PCDHGA11: variants seen among roughly 807,000 people sequenced by gnomAD.
The protein encoded by PCDHGA11 is protocadherin gamma subfamily A, 11.
PCDHGA11 carries 39 observed loss-of-function variants against 60.4 expected under a neutral mutation model. The ratio of observed to expected loss-of-function variants is 0.65; its 90% CI spans 0.50 to 0.84. The LOEUF (loss-of-function observed/expected upper bound fraction) is 0.84, where lower values mean the gene tolerates loss of function less well. Ranked by LOEUF, PCDHGA11 falls within the 40% of genes least tolerant of loss-of-function variation. The pLI is 0.00. For missense variants in PCDHGA11, 1,165 were observed against 1,197.7 expected (o/e 0.97, Z 0.40); for synonymous variants, 533 against 510.3 (o/e 1.04, Z -0.60).
rs115237553 is a variant in PCDHGA11, at chr5:141,476,478, T to A, written c.2434-18329T>A. 1.3e-4 allele frequency: 203 copies of A among 1,613,844 alleles called. 2 individuals are homozygous for A. The African/African-American group carries it at 2.5e-3, about 20-fold the overall frequency. Reference sequence around the variant, plus strand: ...GAGAACCCGCTGGAGCTGTTCAGCGTGGAAGTGGTGATCCAGGACATCAAC... The same window carrying A: ...GAGAACCCGCTGGAGCTGTTCAGCGAGGAAGTGGTGATCCAGGACATCAAC... On this transcript the variant is annotated intron_variant, in intron 1 of 3. Transcript: ENST00000398587. The surrounding 1 kb of genome is among the most constrained non-coding windows in gnomAD (Gnocchi z 7.6).
At chr5:141,507,239 G>C (rs2099859378) in intron 3 of PCDHGA11, 1 of 152,310 alleles carries the variant, frequency 6.6e-6, no homozygotes, top group Non-Finnish European at 1.5e-5. Context: ...CCCAGTTACA[G>C]TTGAATGTCA....
chr5:141,443,974 G>A (rs775899117), intron 1 of PCDHGA11, among the ~76,000 whole-genome samples: 5 of 152,066 alleles, frequency 3.3e-5, no homozygotes, highest in Non-Finnish European at 7.4e-5. Context: ...GTCCATCTAA[G>A]CTATGTTAAT....
chr5:141,447,824 G>T (rs926580893), intron 1 of PCDHGA11, among the ~76,000 whole-genome samples: 2 of 152,034 alleles, frequency 1.3e-5, no homozygotes, highest in Non-Finnish European at 2.9e-5. Context: ...GGTGGCTCAC[G>T]CCTGTAATCC....
intron 1 of PCDHGA11, among the ~76,000 whole-genome samples, chr5:141,480,098 T>C (rs1415853757): frequency 6.6e-6 from 1 of 152,168 alleles, no homozygotes. Context: ...GTATGCAAAG[T>C]GTTTAGCATG....
chr5:141,472,164 G>C (rs2099273083), intron 1 of PCDHGA11, among the ~76,000 whole-genome samples: 1 of 152,158 alleles, frequency 6.6e-6, no homozygotes, highest in Non-Finnish European at 1.5e-5. Flanking sequence ...TAGCTACTAG[G>C]TGTAATATCC....
intron 1 of PCDHGA11, chr5:141,430,625 G>T: frequency 1.3e-6 from 1 of 788,104 alleles, no homozygotes; most frequent in Non-Finnish European, 1.9e-6. Context: ...AGCTAGGAAT[G>T]AACCATCCCT....
chr5:141,427,766 G>A lies in PCDHGA11; in HGVS notation c.2433+4106G>A, dbSNP rs549550151. The A allele has an allele frequency of 1.1e-4, 152 of 1,386,456 alleles. No homozygotes were observed. In the African/African-American group the frequency reaches 1.8e-3, roughly 17 times the overall value. The allele number at this position is 1,386,456 out of a possible 1,614,324, so 85.9% of individuals were successfully genotyped here. ...CCTACTCCATCGTTACCACTGACTT[G>A]GAGCTGCGGGCACTGTCGTCCTACG... On this transcript the variant is annotated intron_variant, in intron 1 of 3. Transcript: ENST00000398587.
Position 141,486,695 on chromosome 5 carries a change from A to T in PCDHGA11, c.2434-8112A>T. On this transcript the variant is annotated intron_variant, in intron 1 of 3. Coordinates refer to ENST00000398587, the MANE Select transcript of PCDHGA11 (RefSeq NM_018914.3). The surrounding 1 kb of genome is among the most constrained non-coding windows in gnomAD (Gnocchi z 5.0). ...TCGAGATGTATCAGCTTCCTCTTTC[A>T]TCTCTCTGAACCCCCAGACAGGAGC... The T allele has an allele frequency of 6.2e-7, 1 of 1,613,912 alleles. No homozygotes were observed. The highest frequency in any genetic ancestry group is 8.5e-7 in the Non-Finnish European group (1 of 1,179,980).
chr5:141,424,401 G>A (rs1167861346), intron 1 of PCDHGA11: 1 of 151,844 alleles, frequency 6.6e-6, no homozygotes, highest in Non-Finnish European at 1.5e-5. Flanking sequence ...CCATTACTAT[G>A]GTGAAGTTAC....
chr5:141,476,412 G>T lies in PCDHGA11; in HGVS notation c.2434-18395G>T. The T allele has an allele frequency of 1.2e-6, 2 of 1,614,140 alleles. No homozygotes were observed. Among genetic ancestry groups the T allele is most frequent in the Non-Finnish European group, 1.7e-6 (2 of 1,180,010 alleles). On this transcript the variant is annotated intron_variant, in intron 1 of 3. Coordinates refer to ENST00000398587, the MANE Select transcript of PCDHGA11 (RefSeq NM_018914.3). The surrounding 1 kb of genome is among the most constrained non-coding windows in gnomAD (Gnocchi z 7.6). ...CGTCTGGATCGAGAGGAGCTGTGTGGGACACTGCCCTCTTGCACTGTAACT... is the reference window on the plus strand; with the variant it reads ...CGTCTGGATCGAGAGGAGCTGTGTGTGACACTGCCCTCTTGCACTGTAACT...
At chr5:141,488,198 GGACTC>G in intron 1 of PCDHGA11, among the ~76,000 whole-genome samples, 1 of 152,166 alleles carries the variant, frequency 6.6e-6, no homozygotes, top group Non-Finnish European at 1.5e-5. Context: ...CTGGGTCTTA[GGACTC>G]ATATCAAGTC....
chr5:141,493,330 A>G lies in PCDHGA11; in HGVS notation c.2434-1477A>G, dbSNP rs979607147. 6.6e-6 allele frequency among the ~76,000 whole-genome samples: 1 copy of G among 152,182 alleles called. No homozygotes were observed. Among genetic ancestry groups the G allele is most frequent in the Non-Finnish European group, 1.5e-5 (1 of 68,020 alleles). On this transcript the variant is annotated intron_variant, in intron 1 of 3. Coordinates refer to ENST00000398587, the MANE Select transcript of PCDHGA11 (RefSeq NM_018914.3). The surrounding 1 kb of genome is among the most constrained non-coding windows in gnomAD (Gnocchi z 4.3). ...GTAAGAGAGATTCTAACCCCTGTCT[A>G]ACTCCAGAATGTGTGCTTTTAATTT... is the stretch of plus-strand genomic sequence containing the variant.
rs1219684339 is a variant in PCDHGA11, at chr5:141,506,444, CAAAAAAAAAAA to C, written c.2581+974_2581+984del. Among the ~76,000 whole-genome samples, 33 of 95,024 alleles carry C rather than the reference CAAAAAAAAAAA, an allele frequency of 3.5e-4. No individual in the cohort carries two copies. The East Asian group carries it at 0.011, about 31-fold the overall frequency. The allele number at this position is 95,024 out of a possible 152,430, so 62.3% of individuals were successfully genotyped here. On this transcript the variant is annotated intron_variant, in intron 3 of 3. Coordinates refer to ENST00000398587, the MANE Select transcript of PCDHGA11 (RefSeq NM_018914.3). ...CCTGGGCAACAGTCTCGCTCTGTCTCAAAAAAAAAAAAAAAAAAAAAGAGCACAGGCTTTAG... is the reference window on the plus strand; with the variant it reads ...CCTGGGCAACAGTCTCGCTCTGTCTCAAAAAAAAAAGAGCACAGGCTTTAG...
chr5:141,426,754 T>C, intron 1 of PCDHGA11: 1 of 456,314 alleles, frequency 2.2e-6, no homozygotes, highest in Non-Finnish European at 4.4e-6. Context: ...GAATCTGCTA[T>C]AGATGCAGAT....
intron 2 of PCDHGA11, 179 bp downstream of exon 2, chr5:141,495,044 T>C (rs2099758475): frequency 1.1e-6 from 1 of 944,572 alleles, no homozygotes; most frequent in Non-Finnish European, 1.3e-6. Flanking sequence ...AAGAGGCGAC[T>C]GCCCTGACTG....
chr5:141,497,538 AC>A lies in PCDHGA11; in HGVS notation c.2492+2675del, dbSNP rs1247704872. Among the ~76,000 whole-genome samples, 601 of 142,636 alleles carry A rather than the reference AC, an allele frequency of 4.2e-3. 3 individuals are homozygous for A. Among genetic ancestry groups the A allele is most frequent in the African/African-American group, 0.013 (497 of 38,408 alleles). The allele number at this position is 142,636 out of a possible 152,430, so 93.6% of individuals were successfully genotyped here. On this transcript the variant is annotated intron_variant, in intron 2 of 3. Coordinates refer to ENST00000398587, the MANE Select transcript of PCDHGA11 (RefSeq NM_018914.3). ...AGTTAACTTGTGGAGGATGCAACAA[AC>A]CTTTTTTTTTTTTTTTTTTAGACAG...
chr5:141,474,819 G>A (rs1180279468), intron 1 of PCDHGA11, among the ~76,000 whole-genome samples: 1 of 152,190 alleles, frequency 6.6e-6, no homozygotes, highest in Non-Finnish European at 1.5e-5. Flanking sequence ...CATTAATTGA[G>A]GCTTACTCTG....
chr5:141,476,666 G>C lies in PCDHGA11; in HGVS notation c.2434-18141G>C, dbSNP rs2099395856. On this transcript the variant is annotated intron_variant, in intron 1 of 3. Coordinates refer to ENST00000398587, the MANE Select transcript of PCDHGA11 (RefSeq NM_018914.3). This position sits in a 1 kb window ranked among gnomAD's most constrained non-coding sequence, Gnocchi z 7.6. The stretch of plus-strand genomic sequence containing the variant: ...CCGAAATGAATACTTTGCGCTTCGC[G>C]TGCAGACGCGGGAGGACAGCACCAA... 6.2e-7 allele frequency: 1 copy of C among 1,614,246 alleles called. No individual in the cohort carries two copies. The highest frequency in any genetic ancestry group is 8.5e-7 in the Non-Finnish European group (1 of 1,180,044).
intron 1 of PCDHGA11, chr5:141,433,123 C>G (rs575738328): frequency 3.7e-6 from 6 of 1,614,116 alleles, no homozygotes; most frequent in Non-Finnish European, 5.1e-6. Context: ...TTGAAAAAAG[C>G]GAGCCCCTTT....
Sources: allele counts gnomAD v4.1 joint callset (sites outside exome capture counted in the v4.1 genomes callset), GRCh38; gene constraint gnomAD v4.1.1; non-coding constraint Gnocchi (gnomAD v3.1); transcripts MANE v1.5; gene names NCBI Gene and HGNC (gene_info 2026-07-23, HGNC 2026-07-21).